Variants in RBFOX3 observed in about 807,000 individuals in gnomAD.
RBFOX3 encodes the protein RNA binding protein fox-1 homolog 3.
Under a neutral mutation model 48.7 loss-of-function variants are expected in RBFOX3, and 17 were observed. The ratio of observed to expected loss-of-function variants is 0.35; its 90% CI spans 0.24 to 0.52. The LOEUF (loss-of-function observed/expected upper bound fraction) is 0.52. Ranked by LOEUF, RBFOX3 falls within the 20% of genes least tolerant of loss-of-function variation. RBFOX3 has a pLI of 0.94. For missense variants in RBFOX3, 382 were observed against 497.5 expected (o/e 0.77, Z 2.21); for synonymous variants, 212 against 209.5 (o/e 1.01, Z -0.10).
chr17:79,216,389 C>T (rs1275071967), intron 4 of RBFOX3, among the ~76,000 whole-genome samples: 1 of 152,066 alleles, frequency 6.6e-6, no homozygotes, highest in African/African-American at 2.4e-5. Context: ...GGGGAGGGGT[C>T]TCCTGGCTGG....
At position 79,545,734 on chromosome 17, in the gene RBFOX3, A is replaced by G. The variant is rs530958159; in HGVS notation, c.-319-63136T>C. 7.2e-5 allele frequency among the ~76,000 whole-genome samples: 11 copies of G among 152,304 alleles called. No homozygotes were observed. The East Asian group carries it at 1.9e-3, about 27-fold the overall frequency. ...AGCTGAGACTGCAGTTCCCCTTAAC[A>G]GTGTGTTCCCAGCTGTCCTGAGCCT... On this transcript the variant is annotated intron_variant, in intron 1 of 14. Coordinates refer to ENST00000693108, the MANE Select transcript of RBFOX3 (RefSeq NM_001350451.2).
chr17:79,385,665 G>C (rs1422640932), intron 2 of RBFOX3, among the ~76,000 whole-genome samples: 1 of 152,212 alleles, frequency 6.6e-6, no homozygotes, highest in Non-Finnish European at 1.5e-5. Flanking sequence ...CCCCGTTACA[G>C]ACAGGGGCTC....
intron 5 of RBFOX3, among the ~76,000 whole-genome samples, chr17:79,113,255 C>T (rs1568153349): frequency 1.3e-5 from 2 of 152,126 alleles, no homozygotes. Context: ...GAATCTAGAA[C>T]ACCCTCTCCA....
chr17:79,342,065 C>T (rs1054851556), intron 2 of RBFOX3, among the ~76,000 whole-genome samples: 5 of 152,242 alleles, frequency 3.3e-5, no homozygotes, highest in Admixed American at 1.3e-4. Flanking sequence ...CAACCTGTCA[C>T]CTGGCATTAG....
chr17:79,596,423 G>A (rs4132156), intron 1 of RBFOX3, among the ~76,000 whole-genome samples: 39,770 of 151,934 alleles, frequency 0.26, 6,273 homozygotes, highest in East Asian at 0.52. Context: ...CCCAGCACCA[G>A]CCAGGGGTGG....
intron 2 of RBFOX3, among the ~76,000 whole-genome samples, chr17:79,325,918 C>T (rs1598270493): frequency 6.6e-6 from 1 of 152,174 alleles, no homozygotes; most frequent in Non-Finnish European, 1.5e-5. Context: ...TGCTGAACTC[C>T]GGCATGATGG....
intron 1 of RBFOX3, among the ~76,000 whole-genome samples, chr17:79,494,359 A>C (rs1366988520): frequency 6.6e-6 from 1 of 152,158 alleles, no homozygotes; most frequent in African/African-American, 2.4e-5. Context: ...TTCCTCCCCG[A>C]GCTGTGAGGC....
chr17:79,094,173 A>G, intron 14 of RBFOX3: 1 of 415,844 alleles, frequency 2.4e-6, no homozygotes, highest in Non-Finnish European at 4.2e-6. Context: ...TATTATAGTG[A>G]GGGAGCTCAG....
At position 79,593,507 on chromosome 17, in the gene RBFOX3, C is replaced by T. The variant is rs1037129925; in HGVS notation, c.-320+17319G>A. Among the ~76,000 whole-genome samples, 134 of 152,148 alleles carry T rather than the reference C, an allele frequency of 8.8e-4. 1 individual carries two copies. Among genetic ancestry groups the T allele is most frequent in the African/African-American group, 3.1e-3 (128 of 41,500 alleles). On this transcript the variant is annotated intron_variant, in intron 1 of 14. Coordinates refer to ENST00000693108, the MANE Select transcript of RBFOX3 (RefSeq NM_001350451.2). ...ACCGCCAGAAAATCTCTCATGGCCA[C>T]GGGAGGGTGGGCGTGGAGAAAGGGG...
chr17:79,605,392 G>A (rs979136933), intron 1 of RBFOX3, among the ~76,000 whole-genome samples: 7 of 152,158 alleles, frequency 4.6e-5, no homozygotes, highest in Non-Finnish European at 8.8e-5. Context: ...TTTTCTAAAA[G>A]GGCTAAAATA....
At chr17:79,256,571 GAA>G (rs923864762) in intron 3 of RBFOX3, among the ~76,000 whole-genome samples, 3 of 152,180 alleles carry the variant, frequency 2.0e-5, no homozygotes, top group African/African-American at 7.2e-5. Flanking sequence ...GTGGGGAGGA[GAA>G]AGTCTTTAGG....
At chr17:79,441,791 C>T (rs1555734986) in intron 2 of RBFOX3, among the ~76,000 whole-genome samples, 1 of 152,174 alleles carries the variant, frequency 6.6e-6, no homozygotes, top group African/African-American at 2.4e-5. Context: ...TGGGAACACA[C>T]ACTCGTGGCC....
chr17:79,264,620 C>T (rs966900565), intron 3 of RBFOX3, among the ~76,000 whole-genome samples: 1 of 152,170 alleles, frequency 6.6e-6, no homozygotes, highest in African/African-American at 2.4e-5. Flanking sequence ...GAGACTCATC[C>T]ACGTGCTCTG....
At chr17:79,615,707 G>T (rs1352691862), upstream of RBFOX3, among the ~76,000 whole-genome samples, 1 of 152,174 alleles carries the variant, frequency 6.6e-6, no homozygotes, top group East Asian at 1.9e-4. Flanking sequence ...CCCCATGGAA[G>T]CATTTACTTT....
chr17:79,635,023 G>A, the RBFOX3 span, among the ~76,000 whole-genome samples: 1 of 121,706 alleles, frequency 8.2e-6, no homozygotes, highest in South Asian at 2.9e-4. Flanking sequence ...TCACCCCACT[G>A]CATTCCAGCT....
chr17:79,288,085 C>A (rs966863559), intron 3 of RBFOX3, among the ~76,000 whole-genome samples: 1 of 152,172 alleles, frequency 6.6e-6, no homozygotes, highest in Non-Finnish European at 1.5e-5. Context: ...ACCTCTGAGT[C>A]TCAAATGCCA....
intron 4 of RBFOX3, among the ~76,000 whole-genome samples, chr17:79,127,511 A>G (rs1023585066): frequency 1.3e-5 from 2 of 152,108 alleles, no homozygotes; most frequent in African/African-American, 4.8e-5. Flanking sequence ...TTCTTTTTTT[A>G]ATGTGCATAT....
chr17:79,490,493 G>T (rs2149584326), intron 1 of RBFOX3, among the ~76,000 whole-genome samples: 1 of 152,198 alleles, frequency 6.6e-6, no homozygotes, highest in East Asian at 1.9e-4. Context: ...GAGTACCGTG[G>T]GCTCAAAATC....
chr17:79,383,092 C>T (rs558827869), intron 2 of RBFOX3, among the ~76,000 whole-genome samples: 6 of 145,642 alleles, frequency 4.1e-5, no homozygotes, highest in East Asian at 2.0e-4. Flanking sequence ...GAATCAATAC[C>T]GCAGCCTTCA....
Sources: gnomAD v4.1 joint callset for allele counts (sites outside exome capture counted in the v4.1 genomes callset) on GRCh38, gnomAD v4.1.1 for gene constraint, MANE v1.5 for transcripts, NCBI Gene and HGNC (gene_info 2026-07-23, HGNC 2026-07-21) for gene names.